CSMD2: variants seen among roughly 807,000 people sequenced by gnomAD.
CSMD2 encodes CUB and sushi domain-containing protein 2.
CSMD2 carries 130 observed loss-of-function variants against 398.5 expected under a neutral mutation model. That is an observed-to-expected ratio of 0.33 (90% CI 0.28 to 0.38). The LOEUF (loss-of-function observed/expected upper bound fraction) is 0.38. Ranked by LOEUF, CSMD2 falls within the 10% of genes least tolerant of loss-of-function variation. The pLI is 1.00. For missense variants in CSMD2, 3,829 were observed against 4,764.9 expected, an observed-to-expected ratio of 0.80 and a Z score of 5.78; for synonymous variants, 1,828 against 1,908.5, an observed-to-expected ratio of 0.96 and a Z score of 1.10.
chr1:33,976,499 C>T (rs1645969656), intron 3 of CSMD2, among the ~76,000 whole-genome samples: 1 of 152,136 alleles, frequency 6.6e-6, no homozygotes, highest in South Asian at 2.1e-4. Flanking sequence ...CTTCCTGGAG[C>T]ACCATCTGAC....
intron 5 of CSMD2, among the ~76,000 whole-genome samples, chr1:33,853,943 C>T (rs1424497099): frequency 6.6e-6 from 1 of 152,196 alleles, no homozygotes; most frequent in Non-Finnish European, 1.5e-5. Context: ...CAAAGGTCTT[C>T]TAGGTCTAAT....
At chr1:33,809,196 T>C (rs1444429253) in intron 10 of CSMD2, among the ~76,000 whole-genome samples, 1 of 151,978 alleles carries the variant, frequency 6.6e-6, no homozygotes. Flanking sequence ...GCTAGCAATA[T>C]ATTGACACAA....
chr1:34,030,859 C>G (rs1260185168), intron 3 of CSMD2, among the ~76,000 whole-genome samples: 1 of 152,176 alleles, frequency 6.6e-6, no homozygotes, highest in Non-Finnish European at 1.5e-5. Context: ...TCTAGTGTCC[C>G]TGACCCAGTC....
At position 33,537,262 on chromosome 1, in the gene CSMD2, G is replaced by A. The variant is rs898237509; in HGVS notation, c.9806-167C>T. Among the ~76,000 whole-genome samples the A allele has an allele frequency of 3.9e-5, 6 of 152,106 alleles. No homozygotes were observed. Among genetic ancestry groups the A allele is most frequent in the African/African-American group, 1.4e-4 (6 of 41,414 alleles). On this transcript the variant is annotated intron_variant, in intron 61 of 70. Transcript: ENST00000373381. This position sits in a 1 kb window ranked among gnomAD's most constrained non-coding sequence, Gnocchi z 4.6. ...GCCCTGGCTGTCTATTTGACTCCTC[G>A]AAGCACACTAGCTCTGGCTATTTTA...
chr1:33,666,005 G>T (rs1329727571), intron 25 of CSMD2, among the ~76,000 whole-genome samples: 1 of 152,060 alleles, frequency 6.6e-6, no homozygotes, highest in African/African-American at 2.4e-5. Context: ...ATGATGACAC[G>T]CTCATAGCTG....
chr1:33,785,846 T>C (rs1653476407), intron 12 of CSMD2, among the ~76,000 whole-genome samples: 1 of 152,208 alleles, frequency 6.6e-6, no homozygotes, highest in South Asian at 2.1e-4. Context: ...ATGCATCTAA[T>C]TCCTCTTTCC....
At chr1:33,939,776 T>C (rs1182860760) in intron 3 of CSMD2, among the ~76,000 whole-genome samples, 2 of 152,172 alleles carry the variant, frequency 1.3e-5, no homozygotes, top group African/African-American at 2.4e-5. Context: ...ACCTGCTTTT[T>C]TATGCCAAGC....
chr1:33,976,325 G>T (rs773524065), intron 3 of CSMD2, among the ~76,000 whole-genome samples: 1 of 152,174 alleles, frequency 6.6e-6, no homozygotes, highest in East Asian at 1.9e-4. Context: ...GATCCAAAAG[G>T]GGGTGGTTGG....
At chr1:34,110,003 T>C (rs1299768395) in intron 1 of CSMD2, among the ~76,000 whole-genome samples, 1 of 123,848 alleles carries the variant, frequency 8.1e-6, no homozygotes, top group Non-Finnish European at 1.6e-5. Flanking sequence ...ATGGCGCCAC[T>C]GCACTCCAGC....
At chr1:33,809,304 G>A (rs1257135488) in intron 10 of CSMD2, among the ~76,000 whole-genome samples, 1 of 151,714 alleles carries the variant, frequency 6.6e-6, no homozygotes, top group Admixed American at 6.6e-5. Flanking sequence ...GTATAAAAAT[G>A]ACAATACTAA....
At chr1:33,571,396 A>G in intron 51 of CSMD2, 136 bp downstream of exon 51, 1 of 531,584 alleles carries the variant, frequency 1.9e-6, no homozygotes, top group Non-Finnish European at 2.9e-6. Context: ...ATTCTACTAG[A>G]TGAGAGTTTA....
At chr1:34,161,211 T>C (rs1475688956) in intron 1 of CSMD2, among the ~76,000 whole-genome samples, 1 of 152,146 alleles carries the variant, frequency 6.6e-6, no homozygotes, top group Non-Finnish European at 1.5e-5. Flanking sequence ...GCTAATAAGA[T>C]TGCTCTGGAA....
chr1:33,918,061 T>C (rs12029535), intron 5 of CSMD2, 33 bp downstream of exon 5: 221,216 of 1,591,766 alleles, frequency 0.14, 17,064 homozygotes, highest in African/African-American at 0.29. Context: ...TTGCAGAGAA[T>C]AGGGTAGGAA....
chr1:34,093,462 G>A (rs975416435), intron 1 of CSMD2, among the ~76,000 whole-genome samples: 5 of 152,298 alleles, frequency 3.3e-5, no homozygotes, highest in African/African-American at 1.2e-4. Flanking sequence ...ATTACTCTGA[G>A]CTACAGGAGG....
intron 27 of CSMD2, among the ~76,000 whole-genome samples, chr1:33,652,786 T>TC (rs1451067392): frequency 1.3e-5 from 2 of 152,166 alleles, no homozygotes; most frequent in South Asian, 2.1e-4. Context: ...TCTCGCTCTG[T>TC]CCCCCAGCCC....
Position 34,089,168 on chromosome 1 carries a change from G to A in CSMD2, c.213C>T (p.His71=), listed in dbSNP as rs373612518. The part of the protein sequence containing the change: ...AAGQNCTFQL[H]GPNGTVESPG... ...GGCTCTCAACTGTCCCATTGGGACC[G>A]TGCAGTTGGAACGTGCAGTTCTGGC... The change falls in exon 2 of 71, where the codon CAC becomes CAT. Residue 71 remains histidine, a synonymous_variant. Coordinates refer to ENST00000373381, the MANE Select transcript of CSMD2 (RefSeq NM_001281956.2). The A allele has an allele frequency of 4.4e-5, 71 of 1,614,136 alleles. 1 individual carries two copies. The South Asian group carries it at 6.4e-4, about 14-fold the overall frequency.
At chr1:33,562,086 G>A (rs142024300) in intron 53 of CSMD2, among the ~76,000 whole-genome samples, 1 of 152,308 alleles carries the variant, frequency 6.6e-6, no homozygotes, top group African/African-American at 2.4e-5. Flanking sequence ...ACAGGAGGGG[G>A]TAGTTGTCAC....
intron 53 of CSMD2, among the ~76,000 whole-genome samples, chr1:33,560,522 C>T (rs1658444871): frequency 6.6e-6 from 1 of 152,202 alleles, no homozygotes; most frequent in Non-Finnish European, 1.5e-5. Context: ...AGGGCCTTTG[C>T]ACTTGCTTTT....
At chr1:34,045,636 T>C (rs1357616411) in intron 2 of CSMD2, among the ~76,000 whole-genome samples, 1 of 152,164 alleles carries the variant, frequency 6.6e-6, no homozygotes, top group East Asian at 1.9e-4. Flanking sequence ...CAAATCCCCA[T>C]ATACAGTACA....
Sources: allele counts gnomAD v4.1 joint callset (sites outside exome capture counted in the v4.1 genomes callset), GRCh38; gene constraint gnomAD v4.1.1; non-coding constraint Gnocchi (gnomAD v3.1); transcripts MANE v1.5; gene names NCBI Gene and HGNC (gene_info 2026-07-23, HGNC 2026-07-21).